Variants in CELF2 observed in about 807,000 individuals in gnomAD.
CELF2 encodes the protein CUG triplet repeat RNA-binding protein 2.
A neutral mutation model predicts 62.6 loss-of-function variants in CELF2; 8 were observed. The ratio of observed to expected loss-of-function variants is 0.13; its 90% confidence interval spans 0.07 to 0.23. The LOEUF is 0.23. Ranked by LOEUF, CELF2 falls within the 10% of genes least tolerant of loss-of-function variation. CELF2 has a pLI of 1.00. For synonymous variants in CELF2, 258 were observed against 250.0 expected, an observed-to-expected ratio of 1.03 and a Z score of -0.30; for missense variants, 333 against 671.0, an observed-to-expected ratio of 0.50 and a Z score of 5.56.
rs769160935 is a variant in CELF2, at chr10:10,934,478, C to T, written c.89+14479C>T. 13 of 152,192 alleles carry T rather than the reference C, an allele frequency of 8.5e-5. No individual in the cohort carries two copies. Among genetic ancestry groups the T allele is most frequent in the Non-Finnish European group, 1.9e-4 (13 of 68,036 alleles). The allele number at this position is 152,192 out of a possible 1,614,324, so 9.4% of individuals were successfully genotyped here. ...GAGAGTAACAGGTGCATGAACAAGACTGCTCATTGTAGAAACAAAAACGAA... is the reference window on the plus strand; with the variant it reads ...GAGAGTAACAGGTGCATGAACAAGATTGCTCATTGTAGAAACAAAAACGAA... On this transcript the variant is annotated intron_variant, in intron 2 of 13. Coordinates refer to the CELF2 transcript ENST00000636488. The surrounding 1 kb of genome is among the most constrained non-coding windows in gnomAD (Gnocchi z 4.4).
intron 2 of CELF2, among the ~76,000 whole-genome samples, chr10:11,189,557 C>A (rs911239631): frequency 5.3e-5 from 8 of 152,170 alleles, no homozygotes; most frequent in Non-Finnish European, 1.0e-4. Flanking sequence ...CAGCTCATTC[C>A]TCTTTGCTAC....
chr10:11,045,496 T>G (rs1390716526), intron 1 of CELF2, among the ~76,000 whole-genome samples: 1 of 152,210 alleles, frequency 6.6e-6, no homozygotes, highest in African/African-American at 2.4e-5. Flanking sequence ...GTAGCTACCC[T>G]CTAAGTTTGT....
chr10:10,726,205 A>T, the CELF2 span, among the ~76,000 whole-genome samples: 12 of 152,092 alleles, frequency 7.9e-5, no homozygotes, highest in African/African-American at 2.9e-4. Flanking sequence ...GTGGCTCCAG[A>T]TTCAGAATTT....
intron 1 of CELF2, among the ~76,000 whole-genome samples, chr10:10,814,555 C>G (rs1197558048): frequency 1.3e-5 from 2 of 152,234 alleles, no homozygotes; most frequent in African/African-American, 4.8e-5. Flanking sequence ...CCACTTCCAA[C>G]ACGTGCCTCT....
At chr10:11,154,039 A>G (rs2063827261) in intron 1 of CELF2, among the ~76,000 whole-genome samples, 1 of 152,216 alleles carries the variant, frequency 6.6e-6, no homozygotes, top group African/African-American at 2.4e-5. Context: ...TAAACACATG[A>G]TCATCTGTAT....
chr10:10,784,549 G>T, the CELF2 span: 22 of 152,438 alleles, frequency 1.4e-4, no homozygotes, highest in Admixed American at 1.4e-3. Context: ...CAGTGTGGCC[G>T]TCTAGCAGCT....
chr10:10,871,172 C>G (rs1375060753), intron 1 of CELF2, among the ~76,000 whole-genome samples: 1 of 152,150 alleles, frequency 6.6e-6, no homozygotes, highest in Admixed American at 6.5e-5. Flanking sequence ...CAAACCATGC[C>G]CTGGGGTCCA....
the CELF2 span, among the ~76,000 whole-genome samples, chr10:10,690,881 A>G: frequency 2.6e-5 from 4 of 152,176 alleles, no homozygotes; most frequent in South Asian, 8.3e-4. Flanking sequence ...TCTGTCTCGA[A>G]AAAACAAACA....
intron 1 of CELF2, among the ~76,000 whole-genome samples, chr10:11,164,277 A>T (rs1449504137): frequency 6.6e-6 from 1 of 152,126 alleles, no homozygotes; most frequent in Non-Finnish European, 1.5e-5. Context: ...GGGGCACAAA[A>T]AGGGTACATG....
chr10:10,752,802 TAAAAAA>T, the CELF2 span, among the ~76,000 whole-genome samples: 27 of 116,532 alleles, frequency 2.3e-4, no homozygotes, highest in East Asian at 4.9e-4. Context: ...ATACCGGTAG[TAAAAAA>T]AAAAAAAAAA....
rs148960205 is a variant in CELF2 at position 11,331,887 on chromosome 10, A to C, written c.*2834A>C. 6.6e-6 allele frequency: 1 copy of C among 152,670 alleles called. No homozygotes were observed. The highest frequency in any genetic ancestry group is 1.9e-4 in the East Asian group (1 of 5,194). The allele number at this position is 152,670 out of a possible 1,614,324, so 9.5% of individuals were successfully genotyped here. A position where few individuals can be genotyped will look rare whatever the true frequency, so the allele number is the denominator to read the frequency against. Reference sequence around the variant, plus strand: ...CTATCTGGAATGTTGATGACTTTTTATACTGTCATGATTTGAGTTTGTTTT... The same window carrying C: ...CTATCTGGAATGTTGATGACTTTTTCTACTGTCATGATTTGAGTTTGTTTT... On this transcript the variant is annotated 3_prime_UTR_variant, in exon 13 of 13. Coordinates refer to ENST00000633077, the MANE Select transcript of CELF2 (RefSeq NM_001326342.2).
chr10:10,758,473 T>C, the CELF2 span, among the ~76,000 whole-genome samples: 1 of 152,200 alleles, frequency 6.6e-6, no homozygotes, highest in Non-Finnish European at 1.5e-5. Flanking sequence ...CGTCCAAAGA[T>C]AGCATTCATC....
chr10:11,203,633 T>C lies in CELF2; in HGVS notation c.272-13792T>C, dbSNP rs116965273. 7.0e-4 allele frequency among the ~76,000 whole-genome samples: 106 copies of C among 152,312 alleles called. 1 individual carries two copies. In the East Asian group the frequency reaches 0.017, roughly 25 times the overall value. On this transcript the variant is annotated intron_variant, in intron 2 of 12. Coordinates refer to ENST00000633077, the MANE Select transcript of CELF2 (RefSeq NM_001326342.2). Reference sequence around the variant, plus strand: ...CACTTCTTTAACTGGAAGCAAGAACTTAAACCAGATGGTTAAGATCTTTTT... The same window carrying C: ...CACTTCTTTAACTGGAAGCAAGAACCTAAACCAGATGGTTAAGATCTTTTT...
chr10:10,711,321 C>T, the CELF2 span, among the ~76,000 whole-genome samples: 1 of 152,182 alleles, frequency 6.6e-6, no homozygotes, highest in African/African-American at 2.4e-5. Flanking sequence ...GGAGCTATGA[C>T]ATTATAGAAT....
At chr10:10,499,909 T>A in the CELF2 span, among the ~76,000 whole-genome samples, 1 of 152,036 alleles carries the variant, frequency 6.6e-6, no homozygotes, top group East Asian at 1.9e-4. Context: ...GAAACATTAA[T>A]GGCAGTACCA....
upstream of CELF2, among the ~76,000 whole-genome samples, chr10:11,001,945 T>C (rs1261236000): frequency 3.3e-5 from 5 of 152,230 alleles, no homozygotes; most frequent in Non-Finnish European, 1.5e-5. Flanking sequence ...GAATAAAGTT[T>C]GAAAGGAATT....
At chr10:10,978,037 TTTTG>T (rs1592656417) in intron 2 of CELF2, among the ~76,000 whole-genome samples, 4 of 147,970 alleles carry the variant, frequency 2.7e-5, no homozygotes, top group Non-Finnish European at 5.9e-5. Context: ...TTTTTTTGTT[TTTTG>T]TTTTTTTTTT....
chr10:11,068,566 TG>T (rs67542182), intron 1 of CELF2, among the ~76,000 whole-genome samples: 48,777 of 146,412 alleles, frequency 0.33, 8,666 homozygotes, highest in African/African-American at 0.44. Context: ...ACATTATTTC[TG>T]TTTTTTTTTT....
At chr10:10,476,951 G>T in the CELF2 span, among the ~76,000 whole-genome samples, 4 of 151,958 alleles carry the variant, frequency 2.6e-5, no homozygotes, top group African/African-American at 9.7e-5. Context: ...TGGTAACTCA[G>T]GTATTATAAG....
Sources: gnomAD v4.1 joint callset for allele counts (sites outside exome capture counted in the v4.1 genomes callset) on GRCh38, gnomAD v4.1.1 for gene constraint, Gnocchi (gnomAD v3.1) non-coding constraint, MANE v1.5 for transcripts, NCBI Gene and HGNC (gene_info 2026-07-23, HGNC 2026-07-21) for gene names.